The following AURKAIP1 variants were observed in gnomAD, a reference collection of about 807,000 sequenced individuals.
AURKAIP1 encodes small ribosomal subunit protein bS22, mitochondrial.
A neutral mutation model predicts 18.4 loss-of-function variants in AURKAIP1; 20 were observed. That is an observed-to-expected ratio of 1.09 (90% CI 0.77 to 1.58). The LOEUF is 1.58. Ranked by LOEUF, AURKAIP1 falls within the 40% of genes most tolerant of loss-of-function variation. AURKAIP1 has a pLI of 0.00. For synonymous variants in AURKAIP1, 156 were observed against 120.8 expected, an observed-to-expected ratio of 1.29 and a Z score of -1.91; for missense variants, 319 against 270.7, an observed-to-expected ratio of 1.18 and a Z score of -1.25.
chr1:1,375,043 C>T (rs1044555454), intron 1 of AURKAIP1, 111 bp downstream of exon 1: 20 of 367,298 alleles, frequency 5.4e-5, no homozygotes, highest in Non-Finnish European at 8.5e-5. Flanking sequence ...CGGGTTCACC[C>T]CCGCGCGAAT....
At position 1,374,340 on chromosome 1, in the gene AURKAIP1, C is replaced by A; in HGVS notation, c.158G>T (p.Arg53Leu). ...AGPGRAASLP[R>L]KGAQLELEEM... ...CTCCAGCTCCAGCTGGGCCCCCTTG[C>A]GAGGGAGAGAGGCCGCCCTACCTGG... is the stretch of plus-strand genomic sequence containing the variant. The change falls in exon 3 of 4, where the codon CGC (arginine) becomes CTC (leucine). Residue 53 changes from arginine to leucine, a missense_variant. Physicochemically the swap from Arg to Leu is moderately radical, Grantham distance 102 (BLOSUM62 -2). Transcript: ENST00000338338. The A allele has an allele frequency of 1.3e-6, 2 of 1,559,618 alleles. No individual in the cohort carries two copies. The highest frequency in any genetic ancestry group is 1.2e-5 in the South Asian group (1 of 86,390).
rs367805529 is a variant in AURKAIP1, at chr1:1,373,811, C to T, written c.590G>A (p.Arg197Gln). Residue 197 changes from arginine to glutamine, a missense_variant, in exon 4 of 4, where the codon CGG becomes CAG. Transcript: ENST00000338338. ...AGGGCGGCGCCAGACTCATTTGCCC[C>T]GCAGGTAGATCTTGGGGGTCTGCCA... ...EGWQTPKIYL[R>Q]GK 6.2e-6 allele frequency: 10 copies of T among 1,600,138 alleles called. No homozygotes were observed. The highest frequency in any genetic ancestry group is 2.2e-5 in the East Asian group (1 of 44,884).
chr1:1,374,936 C>T (rs1644334082), intron 1 of AURKAIP1, 146 bp from the exon 2 acceptor site: 6 of 574,818 alleles, frequency 1.0e-5, no homozygotes, highest in Admixed American at 3.6e-5. Flanking sequence ...TTGCTTCCAA[C>T]ACAGCTCGCG....
In AURKAIP1 at chr1:1,373,761, C is replaced by T. The variant is rs763430044; in HGVS notation, c.*40G>A. The T allele has an allele frequency of 7.1e-6, 11 of 1,544,460 alleles. No individual in the cohort carries two copies. The East Asian group carries it at 1.8e-4, about 25-fold the overall frequency. ...TGAGTCCTCTGAGAATTTATTACTA[C>T]GGATCACAGCAGCAACGGGCGGGAA... On this transcript the variant is annotated 3_prime_UTR_variant, in exon 4 of 4. Coordinates refer to ENST00000338338, the MANE Select transcript of AURKAIP1 (RefSeq NM_017900.3).
intron 2 of AURKAIP1, 52 bp downstream of exon 2, chr1:1,374,653 G>A (rs1446341121): frequency 1.3e-6 from 2 of 1,535,694 alleles, no homozygotes; most frequent in Non-Finnish European, 1.8e-6. Flanking sequence ...GCTGAGACCC[G>A]CACTCCTAAC....
At position 1,374,173 on chromosome 1, in the gene AURKAIP1, CT is replaced by C; in HGVS notation, c.324del (p.Ile108MetfsTer24). The C allele has an allele frequency of 6.2e-7, 1 of 1,613,946 alleles. No individual in the cohort carries two copies. Among genetic ancestry groups the C allele is most frequent in the Non-Finnish European group, 8.5e-7 (1 of 1,180,048 alleles). ...PQSYQCPPSQ[I>X]GEGAEQGDEG... is the part of the protein sequence containing the mutation. ...TCATCCCCCTGCTCGGCCCCTTCCC[CT>C]ATCTGGCTGGGCGGACACTGGTAGG... is the stretch of plus-strand genomic sequence containing the variant. On this transcript the variant is annotated frameshift_variant, in exon 3 of 4. Transcript: ENST00000338338. LOFTEE classifies it high-confidence loss of function.
At chr1:1,375,097 C>A (rs1285824401) in intron 1 of AURKAIP1, 57 bp downstream of exon 1, 1 of 244,716 alleles carries the variant, frequency 4.1e-6, no homozygotes, top group Non-Finnish European at 8.0e-6. Context: ...ACCCCGGGCC[C>A]GCCTGCCGCA....
chr1:1,374,146 C>G lies in AURKAIP1; in HGVS notation c.352G>C (p.Gly118Arg), dbSNP rs762488436. The change falls in exon 3 of 4, where the codon GGC becomes CGC. Residue 118 changes from glycine to arginine, a missense_variant. Gly to Arg is a moderately radical substitution (Grantham distance 125). Coordinates refer to ENST00000338338, the MANE Select transcript of AURKAIP1 (RefSeq NM_017900.3). ...IGEGAEQGDE[G>R]VADAPQIQCK... ...TGAATTTGAGGCGCATCCGCGACGCCTTCATCCCCCTGCTCGGCCCCTTCC... is the reference window on the plus strand; with the variant it reads ...TGAATTTGAGGCGCATCCGCGACGCGTTCATCCCCCTGCTCGGCCCCTTCC... 1 of 1,613,946 alleles carries G rather than the reference C, an allele frequency of 6.2e-7. No individual in the cohort carries two copies. The highest frequency in any genetic ancestry group is 2.2e-5 in the East Asian group (1 of 44,888).
chr1:1,374,050 T>C lies in AURKAIP1; in HGVS notation c.448A>G (p.Thr150Ala). 1.2e-6 allele frequency: 2 copies of C among 1,607,600 alleles called. No homozygotes were observed. The highest frequency in any genetic ancestry group is 1.7e-6 in the Non-Finnish European group (2 of 1,176,206). The change falls in exon 3 of 4, where the codon ACG becomes GCG. Residue 150 changes from threonine (T) to alanine (A), a missense_variant. By Grantham distance (58) the Thr-to-Ala change is moderately conservative. Coordinates refer to ENST00000338338, the MANE Select transcript of AURKAIP1 (RefSeq NM_017900.3). ...TGGACCTTCCTCCGCAGGAACCGCG[T>C]CTTCTTCACCAGCTTCCGGTACTTG... ...HHKYRKLVKK[T>A]RFLRRKVQEG...
Position 1,375,207 on chromosome 1 carries a change from C to A in AURKAIP1, c.-88G>T, listed in dbSNP as rs572324697. 3.1e-4 allele frequency: 49 copies of A among 156,950 alleles called. No individual in the cohort carries two copies. The East Asian group carries it at 6.9e-3, about 22-fold the overall frequency. The allele number at this position is 156,950 out of a possible 1,614,324, so 9.7% of individuals were successfully genotyped here. A position where few individuals can be genotyped will look rare whatever the true frequency, so the allele number is the denominator to read the frequency against. ...CGGCCGCCCTCGGGCACTTCCGGTC[C>A]GTCCCCAAGTCGGCCCCGATCGGCA... On this transcript the variant is annotated 5_prime_UTR_variant, in exon 1 of 4. Transcript: ENST00000338338.
At position 1,374,360 on chromosome 1, in the gene AURKAIP1, A is replaced by T. The variant is rs775146202; in HGVS notation, c.138T>A (p.Gly46=). 6.5e-7 allele frequency: 1 copy of T among 1,528,808 alleles called. No individual in the cohort carries two copies. Among genetic ancestry groups the T allele is most frequent in the Non-Finnish European group, 8.8e-7 (1 of 1,142,690 alleles). The allele number at this position is 1,528,808 out of a possible 1,614,324, so 94.7% of individuals were successfully genotyped here. A position where few individuals can be genotyped will look rare whatever the true frequency, so the allele number is the denominator to read the frequency against. The change falls in exon 3 of 4, where the codon GGT becomes GGA. Residue 46 remains glycine, a synonymous_variant. Transcript: ENST00000338338. Reference sequence around the variant, plus strand: ...CCTTGCGAGGGAGAGAGGCCGCCCTACCTGGGCCGGCCGGCGATGTGCTGT... The same window carrying T: ...CCTTGCGAGGGAGAGAGGCCGCCCTTCCTGGGCCGGCCGGCGATGTGCTGT... ...PLYSTSPAGP[G]RAASLPRKGA... is the part of the protein sequence containing the mutation.
At chr1:1,375,034 G>C (rs947546193) in intron 1 of AURKAIP1, 120 bp downstream of exon 1, 1 of 391,996 alleles carries the variant, frequency 2.6e-6, no homozygotes, top group Admixed American at 4.8e-5. Context: ...CCCCCTCCCC[G>C]GGTTCACCCC....
In AURKAIP1 at chr1:1,374,405, G is replaced by A; in HGVS notation, c.93C>T (p.Ser31=). 1 of 1,468,582 alleles carries A rather than the reference G, an allele frequency of 6.8e-7. No individual in the cohort carries two copies. The highest frequency in any genetic ancestry group is 9.0e-7 in the Non-Finnish European group (1 of 1,116,424). The allele number at this position is 1,468,582 out of a possible 1,614,324, so 91.0% of individuals were successfully genotyped here. A position where few individuals can be genotyped will look rare whatever the true frequency, so the allele number is the denominator to read the frequency against. ...TGCTGTAAAGGGGCCCGCAGACCCG[G>A]CTGCCCAGCACTCCAGAGACGGGCC... is the stretch of plus-strand genomic sequence containing the variant. ...PPWPVSGVLG[S]RVCGPLYSTS... Residue 31 remains serine (S), a synonymous_variant, in exon 3 of 4, where the codon AGC becomes AGT. Coordinates refer to ENST00000338338, the MANE Select transcript of AURKAIP1 (RefSeq NM_017900.3).
At chr1:1,374,879 C>CT in intron 1 of AURKAIP1, 89 bp from the exon 2 acceptor site, 1 of 834,832 alleles carries the variant, frequency 1.2e-6, no homozygotes, top group Non-Finnish European at 1.8e-6. Flanking sequence ...CCCGCCGCGA[C>CT]CCTCGCTTCC....
At position 1,373,988 on chromosome 1, in the gene AURKAIP1, G is replaced by A. The variant is rs1336906867; in HGVS notation, c.498+12C>T. On this transcript the variant is annotated intron_variant, in intron 3 of 3. Transcript: ENST00000338338. ...ACTTTGCCCTCCCAGGGCCAAGCAG[G>A]GGGCCACTCACCTGCTTGCGTCTCA... 6.2e-7 allele frequency: 1 copy of A among 1,608,600 alleles called. No homozygotes were observed. Among genetic ancestry groups the A allele is most frequent in the East Asian group, 2.2e-5 (1 of 44,892 alleles).
Position 1,374,195 on chromosome 1 carries a change from G to A in AURKAIP1, c.303C>T (p.Tyr101=), listed in dbSNP as rs762907711. The A allele has an allele frequency of 1.9e-6, 3 of 1,613,598 alleles. No individual in the cohort carries two copies. Among genetic ancestry groups the A allele is most frequent in the African/African-American group, 2.7e-5 (2 of 74,954 alleles). ...TAGTVAPPQS[Y]QCPPSQIGEG... ...CCCCTATCTGGCTGGGCGGACACTG[G>A]TAGGATTGCGGTGGAGCCACAGTCC... Residue 101 remains tyrosine (Y), a synonymous_variant, in exon 3 of 4, where the codon TAC becomes TAT. Coordinates refer to ENST00000338338, the MANE Select transcript of AURKAIP1 (RefSeq NM_017900.3).
rs2765035 is a variant in AURKAIP1 at position 1,374,694 on chromosome 1, C to G, written c.52+11G>C. ...GTGCATCCTCCCATCCGCCCCCGCG[C>G]GGCTTCCTACCTGCCCAAGGAACGG... On this transcript the variant is annotated intron_variant, in intron 2 of 3. Transcript: ENST00000338338. 1,446,413 of 1,556,202 alleles carry G rather than the reference C, an allele frequency of 0.93. 676,134 individuals carry two copies. The highest frequency in any genetic ancestry group is 0.95 in the Non-Finnish European group (1,097,160 of 1,149,972).
Position 1,374,796 on chromosome 1 carries a change from A to G in AURKAIP1, c.-34-6T>C. On this transcript the variant is annotated splice_region_variant and splice_polypyrimidine_tract_variant and intron_variant, in intron 1 of 3. Transcript: ENST00000338338. ...GGCCACAGGTCCCAGGGGAGCTGGA[A>G]CACAAGTGCCCGTTCAGGTCAGGCG... is the stretch of plus-strand genomic sequence containing the variant. The G allele has an allele frequency of 6.5e-7, 1 of 1,543,922 alleles. No individual in the cohort carries two copies. Among genetic ancestry groups the G allele is most frequent in the Non-Finnish European group, 8.7e-7 (1 of 1,142,916 alleles).
chr1:1,375,003 G>A, intron 1 of AURKAIP1, 151 bp downstream of exon 1: 1 of 463,760 alleles, frequency 2.2e-6, no homozygotes, highest in Non-Finnish European at 3.8e-6. Flanking sequence ...GCACCGAAAG[G>A]TCCCAGAACG....
Sources: gnomAD v4.1 joint callset for allele counts on GRCh38, gnomAD v4.1.1 for gene constraint, MANE v1.5 for transcripts, NCBI Gene and HGNC (gene_info 2026-07-23, HGNC 2026-07-21) for gene names.